ZNF786: variants seen among roughly 807,000 people sequenced by gnomAD.
ZNF786 encodes zinc finger protein 786.
A neutral mutation model predicts 63.1 loss-of-function variants in ZNF786; 56 were observed. The observed-to-expected ratio is 0.89, with a 90% CI of 0.72 to 1.11. The LOEUF (loss-of-function observed/expected upper bound fraction) is 1.11. Among genes scored for constraint, ZNF786 ranks in the 50% least tolerant of loss-of-function variants. The probability of loss-of-function intolerance (pLI) is 0.00; values close to 1 mark genes in which losing one functional copy is unlikely to be tolerated. For missense variants in ZNF786, 1,213 were observed against 1,041.8 expected (o/e 1.16, Z -2.26); for synonymous variants, 485 against 406.9 (o/e 1.19, Z -2.31).
chr7:149,088,338 T>C (rs925600582), intron 1 of ZNF786, among the ~76,000 whole-genome samples: 1 of 152,188 alleles, frequency 6.6e-6, no homozygotes, highest in Non-Finnish European at 1.5e-5. Flanking sequence ...TTAAGGCAAT[T>C]GAGATAATTT....
Position 149,080,610 on chromosome 7 carries a change from A to G in ZNF786, c.126T>C (p.Tyr42=), listed in dbSNP as rs1202975773. 3 of 1,611,468 alleles carry G rather than the reference A, an allele frequency of 1.9e-6. No homozygotes were observed. The highest frequency in any genetic ancestry group is 1.3e-5 in the African/African-American group (1 of 74,816). ...ELYKHVMRSN[Y]ETLVSLDDGL... ...TCTTACCTAGAGAGACGAGAGTCTC[A>G]TAATTGCTTCTCATCACATGCTTGT... The change falls in exon 2 of 4, where the codon TAT becomes TAC. Residue 42 remains tyrosine, a synonymous_variant. Coordinates refer to ENST00000491431, the MANE Select transcript of ZNF786 (RefSeq NM_152411.4).
Position 149,090,718 on chromosome 7 carries a change from T to G in ZNF786, c.-78A>C. 6.8e-7 allele frequency: 1 copy of G among 1,474,410 alleles called. No individual in the cohort carries two copies. The highest frequency in any genetic ancestry group is 9.1e-7 in the Non-Finnish European group (1 of 1,099,828). 91.3% of individuals were successfully genotyped at this position (1,474,410 alleles called of 1,614,324 possible). A position where few individuals can be genotyped will look rare whatever the true frequency, so the allele number is the denominator to read the frequency against. ...CGCAGGAACCTGCCCTGCTGCGCAC[T>G]GACTCCCCTCCGCTCCGCCCCAACC... On this transcript the variant is annotated 5_prime_UTR_variant, in exon 1 of 4. Coordinates refer to ENST00000491431, the MANE Select transcript of ZNF786 (RefSeq NM_152411.4).
intron 1 of ZNF786, among the ~76,000 whole-genome samples, chr7:149,088,169 ATTTTT>A (rs757646853): frequency 6.6e-6 from 1 of 151,776 alleles, no homozygotes; most frequent in East Asian, 1.9e-4. Context: ...CGTCCAGCTA[ATTTTT>A]TTATTTTTAG....
Position 149,071,960 on chromosome 7 carries a change from G to A in ZNF786, c.812C>T (p.Ala271Val), listed in dbSNP as rs775276139. Residue 271 changes from alanine (A) to valine (V), a missense_variant, in exon 4 of 4, where the codon GCT becomes GTT. Transcript: ENST00000491431. ...AHTGRGPFRN[A>V]DGEMCFRHEL... ...GTGTCGGAAGCACATTTCACCGTCA[G>A]CGTTCCGGAAGGGGCCCCTCCCCGT... 1.9e-6 allele frequency: 3 copies of A among 1,611,826 alleles called. No individual in the cohort carries two copies. Among genetic ancestry groups the A allele is most frequent in the African/African-American group, 2.7e-5 (2 of 74,916 alleles).
In ZNF786 at chr7:149,072,148, G is replaced by A. The variant is rs752182716; in HGVS notation, c.624C>T (p.Gly208=). The A allele has an allele frequency of 3.1e-6, 5 of 1,613,072 alleles. No individual in the cohort carries two copies. In the Admixed American group the frequency reaches 8.4e-5, roughly 27 times the overall value. Reference sequence around the variant, plus strand: ...CCCTACGTGTCCGGTCCTTTGAGTGGCCTCTCTGGTGCATTACTAAATGGT... The same window carrying A: ...CCCTACGTGTCCGGTCCTTTGAGTGACCTCTCTGGTGCATTACTAAATGGT... ...ENNHLVMHQR[G]HSKDRTRRAW... Residue 208 remains glycine (G), a synonymous_variant, in exon 4 of 4, where the codon GGC becomes GGT. Transcript: ENST00000491431.
chr7:149,075,019 G>A lies in ZNF786; in HGVS notation c.146-481C>T, dbSNP rs537988661. 3.9e-5 allele frequency among the ~76,000 whole-genome samples: 6 copies of A among 151,938 alleles called. No individual in the cohort carries two copies. In the East Asian group the frequency reaches 9.7e-4, roughly 25 times the overall value. On this transcript the variant is annotated intron_variant, in intron 2 of 3. Transcript: ENST00000491431. ...TAATTTTCGCATTTTTAGTGGAGAC[G>A]GGTTTCACCGTGTTGCCCAGGCTGG...
chr7:149,090,571 A>G, intron 1 of ZNF786, 52 bp downstream of exon 1: 1 of 1,533,878 alleles, frequency 6.5e-7, no homozygotes, highest in Non-Finnish European at 8.8e-7. Context: ...CCGGAACCCG[A>G]GGACCCACCA....
chr7:149,078,527 A>G (rs1038283090), intron 2 of ZNF786, among the ~76,000 whole-genome samples: 1 of 152,120 alleles, frequency 6.6e-6, no homozygotes, highest in Non-Finnish European at 1.5e-5. Flanking sequence ...TCTACTAAAA[A>G]TATAAAATTA....
intron 1 of ZNF786, among the ~76,000 whole-genome samples, chr7:149,083,468 C>T (rs1283435647): frequency 2.6e-5 from 4 of 151,996 alleles, no homozygotes; most frequent in African/African-American, 4.8e-5. Flanking sequence ...CCACCCGCCT[C>T]GGCCTCCCAG....
intron 2 of ZNF786, among the ~76,000 whole-genome samples, chr7:149,075,531 C>T (rs148776378): frequency 5.3e-5 from 8 of 152,184 alleles, no homozygotes; most frequent in African/African-American, 1.9e-4. Flanking sequence ...AGGCATGAGC[C>T]ACCGCACCTG....
Position 149,072,081 on chromosome 7 carries a change from A to G in ZNF786, c.691T>C (p.Trp231Arg), listed in dbSNP as rs188243675. Residue 231 changes from tryptophan to arginine, a missense_variant, in exon 4 of 4, where the codon TGG becomes CGG. Trp to Arg is a moderately radical substitution (Grantham distance 101). Coordinates refer to ENST00000491431, the MANE Select transcript of ZNF786 (RefSeq NM_152411.4). ...TGCCTCTGTACCCGAGGGCTGCTCC[A>G]CGGCATCTGCGTCTCCGCCCTCTTG... ...FNKRAETQMP[W>R]SSPRVQRHFR... The G allele has an allele frequency of 3.7e-6, 6 of 1,613,136 alleles. No homozygotes were observed. The highest frequency in any genetic ancestry group is 1.3e-5 in the African/African-American group (1 of 74,924).
rs1045416059 is a variant in ZNF786, at chr7:149,071,269, G to C, written c.1503C>G (p.Leu501=). 6.2e-7 allele frequency: 1 copy of C among 1,612,810 alleles called. No individual in the cohort carries two copies. Among genetic ancestry groups the C allele is most frequent in the African/African-American group, 1.3e-5 (1 of 75,006 alleles). ...AGAACGGCCTCTCCCCACCGTGCCG[G>C]AGCCGGTGGGCTCTCAGCATGCTCT... ...RLESMLRAHR[L]RHGGERPFSC... The change falls in exon 4 of 4, where the codon CTC becomes CTG. Residue 501 remains leucine, a synonymous_variant. Coordinates refer to ENST00000491431, the MANE Select transcript of ZNF786 (RefSeq NM_152411.4).
rs564354984 is a variant in ZNF786, at chr7:149,070,950, G to A, written c.1822C>T (p.Leu608=). ...GTGTGCAGGCGCTGATGGCTGAGCA[G>A]CTGCCCCTTCAGGCGGAAGCTCCTG... The part of the protein sequence containing the change: ...CNRSFRLKGQ[L]LSHQRLHTGE... Residue 608 remains leucine (L), a synonymous_variant, in exon 4 of 4, where the codon CTG becomes TTG. Coordinates refer to ENST00000491431, the MANE Select transcript of ZNF786 (RefSeq NM_152411.4). 8.5e-5 allele frequency: 137 copies of A among 1,613,584 alleles called. 1 individual carries two copies. The South Asian group carries it at 1.5e-3, about 17-fold the overall frequency.
chr7:149,071,094 T>TGTGC lies in ZNF786; in HGVS notation c.1674_1677dup (p.Ser560AlafsTer94). The TGTGC allele has an allele frequency of 6.2e-7, 1 of 1,610,742 alleles. No individual in the cohort carries two copies. The highest frequency in any genetic ancestry group is 8.5e-7 in the Non-Finnish European group (1 of 1,178,960). ...CCGCACGAGAACGGCCTCTCCTTGCTGTGCGTGTGCTGGTGGGCCTTCAGG... is the reference window on the plus strand; with the variant it reads ...CCGCACGAGAACGGCCTCTCCTTGCTGTGCGTGCGTGTGCTGGTGGGCCTTCAGG... On this transcript the variant is annotated frameshift_variant, in exon 4 of 4. Transcript: ENST00000491431. LOFTEE classifies it high-confidence loss of function.
chr7:149,076,495 G>A (rs932917040), intron 2 of ZNF786, among the ~76,000 whole-genome samples: 6 of 150,498 alleles, frequency 4.0e-5, no homozygotes, highest in East Asian at 4.0e-4. Context: ...TTGGGAGGCC[G>A]AGGCGGGAGG....
At position 149,071,564 on chromosome 7, in the gene ZNF786, G is replaced by A. The variant is rs1268162398; in HGVS notation, c.1208C>T (p.Thr403Ile). The change falls in exon 4 of 4, where the codon ACC becomes ATC. Residue 403 changes from threonine to isoleucine, a missense_variant. Thr to Ile is a moderately conservative substitution (Grantham distance 89). Transcript: ENST00000491431. ...GEKPFQCAHC[T>I]KRFRLRRLLQ... The stretch of plus-strand genomic sequence containing the variant: ...CAGGCGGCGCAGGCGGAAGCGCTTG[G>A]TGCAATGCGCACACTGGAAGGGCTT... 1.9e-6 allele frequency: 3 copies of A among 1,612,454 alleles called. No individual in the cohort carries two copies. Among genetic ancestry groups the A allele is most frequent in the Non-Finnish European group, 2.5e-6 (3 of 1,179,680 alleles).
chr7:149,069,821 G>C lies in ZNF786; in HGVS notation c.*602C>G, dbSNP rs549711609. 5 of 152,134 alleles carry C rather than the reference G, an allele frequency of 3.3e-5. No homozygotes were observed. In the East Asian group the frequency reaches 7.8e-4, roughly 24 times the overall value. The allele number at this position is 152,134 out of a possible 1,614,324, so 9.4% of individuals were successfully genotyped here. On this transcript the variant is annotated 3_prime_UTR_variant, in exon 4 of 4. Transcript: ENST00000491431. ...GTATTTTTAGTAGAGACAGGGTTTTGCCATGTTGCCCAAGCTGGTCTCAAA... is the reference window on the plus strand; with the variant it reads ...GTATTTTTAGTAGAGACAGGGTTTTCCCATGTTGCCCAAGCTGGTCTCAAA...
intron 2 of ZNF786, among the ~76,000 whole-genome samples, chr7:149,076,663 G>A (rs1825556028): frequency 1.3e-5 from 2 of 148,664 alleles, no homozygotes; most frequent in Non-Finnish European, 3.0e-5. Flanking sequence ...AGGTTGTGGT[G>A]AGCCGAGATC....
At chr7:149,072,588 C>G in intron 3 of ZNF786, 115 bp from the exon 4 acceptor site, 2 of 1,201,128 alleles carry the variant, frequency 1.7e-6, no homozygotes, top group Non-Finnish European at 2.3e-6. Flanking sequence ...CCAGCTTCCA[C>G]TGAGCTACCC....
Sources: gnomAD v4.1 joint callset for allele counts (sites outside exome capture counted in the v4.1 genomes callset) on GRCh38, gnomAD v4.1.1 for gene constraint, MANE v1.5 for transcripts, NCBI Gene and HGNC (gene_info 2026-07-23, HGNC 2026-07-21) for gene names.